The following DCBLD2 variants were observed in gnomAD, a reference collection of about 807,000 sequenced individuals.
DCBLD2 encodes discoidin, CUB and LCCL domain containing 2, also known as discoidin, CUB and LCCL domain-containing protein 2.
DCBLD2 carries 54 observed loss-of-function variants against 86.8 expected under a neutral mutation model. The ratio of observed to expected loss-of-function variants is 0.62; its 90% CI spans 0.50 to 0.78. DCBLD2 has a LOEUF of 0.78. Ranked by LOEUF, DCBLD2 falls within the 30% of genes least tolerant of loss-of-function variation. The pLI, the probability that DCBLD2 is intolerant of heterozygous loss-of-function variation, is 0.00. For synonymous variants in DCBLD2, 354 were observed against 341.3 expected (o/e 1.04, Z -0.41); for missense variants, 908 against 954.2 (o/e 0.95, Z 0.64).
chr3:98,866,511 T>C (rs1015441137), intron 2 of DCBLD2, among the ~76,000 whole-genome samples: 4 of 152,250 alleles, frequency 2.6e-5, no homozygotes, highest in African/African-American at 4.8e-5. Flanking sequence ...ATGTCTTCTT[T>C]TGAGAAGTGT....
At chr3:98,901,024 C>T in intron 1 of DCBLD2, 98 bp downstream of exon 1, 2 of 1,519,906 alleles carry the variant, frequency 1.3e-6, no homozygotes, top group African/African-American at 2.8e-5. Flanking sequence ...GAAAGCGCAC[C>T]GCGCCTCCCT....
intron 1 of DCBLD2, among the ~76,000 whole-genome samples, chr3:98,885,027 T>C (rs1943537241): frequency 6.6e-6 from 1 of 152,170 alleles, no homozygotes; most frequent in Non-Finnish European, 1.5e-5. Flanking sequence ...GGATAATTTC[T>C]ACAAAAGTTA....
At chr3:98,816,218 T>A (rs925606937) in intron 9 of DCBLD2, 3 of 150,578 alleles carry the variant, frequency 2.0e-5, no homozygotes, top group Non-Finnish European at 4.4e-5. Context: ...AGACAACGTA[T>A]TTCAATTATT....
In DCBLD2 at chr3:98,816,258, C is replaced by CA. The variant is rs1486117684; in HGVS notation, c.1212+1510dup. 21 of 147,062 alleles carry CA rather than the reference C, an allele frequency of 1.4e-4. No individual in the cohort carries two copies. In the East Asian group the frequency reaches 2.8e-3, roughly 19 times the overall value. The allele number at this position is 147,062 out of a possible 1,614,324, so 9.1% of individuals were successfully genotyped here. A position where few individuals can be genotyped will look rare whatever the true frequency, so the allele number is the denominator to read the frequency against. On this transcript the variant is annotated intron_variant, in intron 9 of 15. Transcript: ENST00000326840. ...GGAAAAACCAAAAAAAAAAAAAAAC[C>CA]AAAAAACCACTGATCAACCCAGATT...
In DCBLD2 at chr3:98,901,557, G is replaced by A. The variant is rs1350802112; in HGVS notation, c.-231C>T. 1 of 363,506 alleles carries A rather than the reference G, an allele frequency of 2.8e-6. No individual in the cohort carries two copies. The highest frequency in any genetic ancestry group is 4.8e-6 in the Non-Finnish European group (1 of 209,798). 22.5% of individuals were successfully genotyped at this position (363,506 alleles called of 1,614,324 possible). A position where few individuals can be genotyped will look rare whatever the true frequency, so the allele number is the denominator to read the frequency against. On this transcript the variant is annotated 5_prime_UTR_variant, in exon 1 of 16. Coordinates refer to ENST00000326840, the MANE Select transcript of DCBLD2 (RefSeq NM_080927.4). ...CCCCAGGCCGGAGCGCAGGGGAGGG[G>A]AGGGAAGGAAGCGGAGTCCTCGAGC... is the stretch of plus-strand genomic sequence containing the variant.
intron 2 of DCBLD2, among the ~76,000 whole-genome samples, chr3:98,875,905 T>G (rs761672799): frequency 6.6e-6 from 1 of 152,008 alleles, no homozygotes; most frequent in Non-Finnish European, 1.5e-5. Context: ...AAAACCCCGA[T>G]GTACCAGGGA....
chr3:98,835,657 C>T (rs1456785723), intron 3 of DCBLD2, among the ~76,000 whole-genome samples: 1 of 146,976 alleles, frequency 6.8e-6, no homozygotes, highest in Non-Finnish European at 1.5e-5. Context: ...TCAAGCGATT[C>T]TCTCGTCTTA....
rs193195007 is a variant in DCBLD2, at chr3:98,870,936, G to C, written c.433+10604C>G. On this transcript the variant is annotated intron_variant, in intron 2 of 15. Transcript: ENST00000326840. ...CATGAACATAGGAGGTTTTCTATTT[G>C]TTTGTATCATCTATGGTTTCTTTCA... Among the ~76,000 whole-genome samples the C allele has an allele frequency of 5.8e-4, 87 of 150,838 alleles. 1 individual carries two copies. The highest frequency in any genetic ancestry group is 1.0e-3 in the South Asian group (5 of 4,788).
At chr3:98,872,784 C>A (rs1373761238) in intron 2 of DCBLD2, among the ~76,000 whole-genome samples, 6 of 151,172 alleles carry the variant, frequency 4.0e-5, no homozygotes, top group Non-Finnish European at 7.4e-5. Context: ...TTAAAAAAAA[C>A]CAGAAGGACA....
At chr3:98,811,667 T>C (rs1374212422) in intron 10 of DCBLD2, 113 bp from the exon 11 acceptor site, 1 of 1,009,092 alleles carries the variant, frequency 9.9e-7, no homozygotes, top group East Asian at 2.7e-5. Flanking sequence ...TGCAGAATAA[T>C]TTTAACTCTC....
chr3:98,846,894 ATACT>A (rs1449489375), intron 3 of DCBLD2, among the ~76,000 whole-genome samples: 6 of 152,176 alleles, frequency 3.9e-5, no homozygotes, highest in Non-Finnish European at 7.3e-5. Context: ...AAAAAACAGG[ATACT>A]TATTTTCCAG....
At chr3:98,863,660 A>C (rs1174763033) in intron 2 of DCBLD2, among the ~76,000 whole-genome samples, 2 of 152,244 alleles carry the variant, frequency 1.3e-5, no homozygotes, top group Admixed American at 6.5e-5. Flanking sequence ...GGCTAGCCAT[A>C]TGTAGAAAGC....
rs1201646991 is a variant in DCBLD2 at position 98,901,156 on chromosome 3, C to A, written c.171G>T (p.Leu57=). 6.5e-7 allele frequency: 1 copy of A among 1,538,890 alleles called. No individual in the cohort carries two copies. The highest frequency in any genetic ancestry group is 8.7e-7 in the Non-Finnish European group (1 of 1,146,834). ...MPLFLLLLLV[L]LLLLEDAGAQ... ...CTCCAGCGTCCTCGAGCAGCAGGAG[C>A]AGGACAAGTAAGAGCAGGAGGAACA... is the stretch of plus-strand genomic sequence containing the variant. The change falls in exon 1 of 16, where the codon CTG becomes CTT. Residue 57 remains leucine, a synonymous_variant. Coordinates refer to ENST00000326840, the MANE Select transcript of DCBLD2 (RefSeq NM_080927.4).
intron 13 of DCBLD2, among the ~76,000 whole-genome samples, chr3:98,806,550 G>C (rs1158831624): frequency 5.3e-5 from 8 of 152,028 alleles, no homozygotes; most frequent in Non-Finnish European, 1.2e-4. Flanking sequence ...TTCCTCCCAT[G>C]GCATATATTC....
At position 98,812,447 on chromosome 3, in the gene DCBLD2, C is replaced by T; in HGVS notation, c.1248G>A (p.Val416=). The T allele has an allele frequency of 6.2e-7, 1 of 1,613,238 alleles. No homozygotes were observed. The highest frequency in any genetic ancestry group is 8.5e-7 in the Non-Finnish European group (1 of 1,179,540). Residue 416 remains valine (V), a synonymous_variant, in exon 10 of 16, where the codon GTG becomes GTA. Coordinates refer to ENST00000326840, the MANE Select transcript of DCBLD2 (RefSeq NM_080927.4). The part of the protein sequence containing the change: ...FQGNKDYHQD[V]RNNFLPPIIA... ...TAATTGGTGGCAAAAAGTTATTACG[C>T]ACATCCTGGTGATAATCTTTGTTTC...
At position 98,870,795 on chromosome 3, in the gene DCBLD2, AAGAAAGAAAGAAAGAAAGGT is replaced by A. The variant is rs1334722025; in HGVS notation, c.433+10725_433+10744del. Among the ~76,000 whole-genome samples, 4 of 149,570 alleles carry A rather than the reference AAGAAAGAAAGAAAGAAAGGT, an allele frequency of 2.7e-5. No individual in the cohort carries two copies. In the East Asian group the frequency reaches 5.9e-4, roughly 22 times the overall value. ...AAAGAAAGAAAGAAAGAAAGAAAGA[AAGAAAGAAAGAAAGAAAGGT>A]AGGCAGGCATTGGTGGTATTTTGAT... On this transcript the variant is annotated intron_variant, in intron 2 of 15. Transcript: ENST00000326840.
chr3:98,811,677 C>G (rs1193031459), intron 10 of DCBLD2, 123 bp from the exon 11 acceptor site: 7 of 922,446 alleles, frequency 7.6e-6, no homozygotes, highest in Non-Finnish European at 9.4e-6. Context: ...TTTTAACTCT[C>G]AGAGAGAAAT....
intron 1 of DCBLD2, among the ~76,000 whole-genome samples, chr3:98,891,549 T>C (rs559349281): frequency 6.6e-6 from 1 of 152,218 alleles, no homozygotes; most frequent in South Asian, 2.1e-4. Flanking sequence ...AACTGGGTCA[T>C]GTAGGTCCCT....
Position 98,881,608 on chromosome 3 carries a change from T to G in DCBLD2, c.365A>C (p.Asp122Ala), listed in dbSNP as rs372946244. 22 of 1,613,946 alleles carry G rather than the reference T, an allele frequency of 1.4e-5. No homozygotes were observed. The highest frequency in any genetic ancestry group is 1.8e-5 in the Non-Finnish European group (21 of 1,179,882). Residue 122 changes from aspartate to alanine, a missense_variant, in exon 2 of 16, where the codon GAT becomes GCT. Around this residue, in one of 3 missense-constraint regions of DCBLD2, gnomAD observed 294 missense variants for 256.0 expected, o/e 1.15. Transcript: ENST00000326840. ...GTAATTAAAGTGACAAGAATCAGAA[T>G]CTTCAATGTCAAAGTCACCAAATTT... is the stretch of plus-strand genomic sequence containing the variant. Reference protein sequence around the residue: ...RIKFGDFDIEDSDSCHFNYLR... With the variant: ...RIKFGDFDIEASDSCHFNYLR...
Sources: allele counts gnomAD v4.1 joint callset (sites outside exome capture counted in the v4.1 genomes callset), GRCh38; gene constraint gnomAD v4.1.1; regional missense constraint gnomAD v4.1.1; transcripts MANE v1.5; gene names NCBI Gene and HGNC (gene_info 2026-07-23, HGNC 2026-07-21).